The following WDPCP variants were observed in gnomAD, a reference collection of about 807,000 sequenced individuals.
The protein encoded by WDPCP is WD repeat-containing and planar cell polarity effector protein fritz homolog.
WDPCP carries 71 observed loss-of-function variants against 93.1 expected under a neutral mutation model. That is an observed-to-expected ratio of 0.76 (90% CI 0.63 to 0.93). The LOEUF (loss-of-function observed/expected upper bound fraction) is 0.93. WDPCP is among the 40% of genes least tolerant of loss of function. WDPCP has a pLI of 0.00. For missense variants in WDPCP, 844 were observed against 887.4 expected (o/e 0.95, Z 0.62); for synonymous variants, 315 against 315.0 (o/e 1.00, Z 0.00).
chr2:63,244,514 T>C (rs1305083012), intron 14 of WDPCP, among the ~76,000 whole-genome samples: 2 of 151,904 alleles, frequency 1.3e-5, no homozygotes, highest in Non-Finnish European at 2.9e-5. Flanking sequence ...ATAAGCACAA[T>C]CCGAAATGAC....
At chr2:63,409,301 A>C (rs976302151) in intron 9 of WDPCP, among the ~76,000 whole-genome samples, 6 of 152,146 alleles carry the variant, frequency 3.9e-5, no homozygotes, top group African/African-American at 1.2e-4. Context: ...GAGAGACAAC[A>C]ATCACTGCAG....
At chr2:63,752,415 T>C in intron 2 of WDPCP, 3 of 762,148 alleles carry the variant, frequency 3.9e-6, no homozygotes, top group Non-Finnish European at 7.1e-6. Context: ...TTGTGTGGCC[T>C]TGCATTCGTG....
At chr2:63,535,292 T>C (rs544224281) in intron 1 of WDPCP, among the ~76,000 whole-genome samples, 51 of 152,296 alleles carry the variant, frequency 3.3e-4, no homozygotes, top group African/African-American at 1.1e-3. Flanking sequence ...CTGCCCAAGG[T>C]AATTTATAGA....
intron 14 of WDPCP, among the ~76,000 whole-genome samples, chr2:63,182,886 T>C (rs2104111414): frequency 6.6e-6 from 1 of 151,832 alleles, no homozygotes; most frequent in South Asian, 2.1e-4. Flanking sequence ...TGGTTTTATG[T>C]TTCCAGGAAT....
chr2:63,682,572 T>C (rs1309130475), intron 2 of WDPCP, among the ~76,000 whole-genome samples: 3 of 151,690 alleles, frequency 2.0e-5, no homozygotes, highest in African/African-American at 7.3e-5. Context: ...AATCTAAGAG[T>C]TATTGGCCTT....
intron 2 of WDPCP, among the ~76,000 whole-genome samples, chr2:63,689,926 A>G (rs1047807116): frequency 6.6e-6 from 1 of 152,190 alleles, no homozygotes; most frequent in Non-Finnish European, 1.5e-5. Flanking sequence ...ATAAAACATC[A>G]TTGCAAAGTG....
intron 13 of WDPCP, among the ~76,000 whole-genome samples, chr2:63,302,062 G>A (rs1471997269): frequency 6.6e-6 from 1 of 152,152 alleles, no homozygotes; most frequent in Non-Finnish European, 1.5e-5. Flanking sequence ...ACCACCTCAT[G>A]ATCCCCCTCA....
At chr2:63,353,506 A>G (rs1277696230) in intron 12 of WDPCP, among the ~76,000 whole-genome samples, 2 of 152,160 alleles carry the variant, frequency 1.3e-5, no homozygotes, top group Admixed American at 6.5e-5. Context: ...GCAGGCCACA[A>G]TCTTTGCTAT....
chr2:63,174,813 G>T lies in WDPCP; in HGVS notation c.1935C>A (p.Asp645Glu), dbSNP rs775985348. ...ATGCTTCATTTAGCATATCCCCTCT[G>T]TCCAAGGGTCCCAGGAGTTCTGTTG... Reference protein sequence around the residue: ...TSGVELLGPLDRGDMLNEAFI... With the variant: ...TSGVELLGPLERGDMLNEAFI... Residue 645 changes from aspartate to glutamate, a missense_variant, in exon 15 of 18, where the codon GAC becomes GAA. Asp to Glu is a conservative substitution (Grantham distance 45). Transcript: ENST00000272321. 2 of 1,613,826 alleles carry T rather than the reference G, an allele frequency of 1.2e-6. No homozygotes were observed. Among genetic ancestry groups the T allele is most frequent in the Non-Finnish European group, 1.7e-6 (2 of 1,179,834 alleles).
At chr2:63,338,168 T>C (rs1688525721) in intron 12 of WDPCP, among the ~76,000 whole-genome samples, 1 of 152,178 alleles carries the variant, frequency 6.6e-6, no homozygotes, top group Non-Finnish European at 1.5e-5. Flanking sequence ...TTTAATTTAA[T>C]TTTTGTGTAT....
At chr2:63,808,008 C>G (rs1670793575) in intron 2 of WDPCP, among the ~76,000 whole-genome samples, 1 of 152,134 alleles carries the variant, frequency 6.6e-6, no homozygotes, top group African/African-American at 2.4e-5. Context: ...ATTCAATGTA[C>G]TTACTGAATT....
upstream of WDPCP, among the ~76,000 whole-genome samples, chr2:63,592,877 C>A (rs1181924545): frequency 1.3e-5 from 2 of 151,988 alleles, no homozygotes; most frequent in African/African-American, 2.4e-5. Context: ...ATCTCGTATT[C>A]TAAAGGGAAA....
At chr2:63,794,980 C>A (rs1229472280) in intron 2 of WDPCP, among the ~76,000 whole-genome samples, 4 of 152,126 alleles carry the variant, frequency 2.6e-5, no homozygotes, top group African/African-American at 9.7e-5. Flanking sequence ...GAGAAGCTCA[C>A]CTGAGGACAA....
At chr2:63,644,484 C>T (rs1462988851) in intron 3 of WDPCP, among the ~76,000 whole-genome samples, 1 of 152,060 alleles carries the variant, frequency 6.6e-6, no homozygotes, top group African/African-American at 2.4e-5. Flanking sequence ...CCTCGTGATC[C>T]ACCCACCTCG....
chr2:63,146,505 AGT>A (rs1334223302), intron 17 of WDPCP, among the ~76,000 whole-genome samples: 1 of 148,960 alleles, frequency 6.7e-6, no homozygotes, highest in Non-Finnish European at 1.5e-5. Context: ...CCGCCTCCTG[AGT>A]AGCTGGGACT....
intron 11 of WDPCP, among the ~76,000 whole-genome samples, chr2:63,380,845 G>C (rs4671496): frequency 0.55 from 83,713 of 151,994 alleles, 23,386 homozygotes; most frequent in Admixed American, 0.63. Context: ...CAAGACCCAC[G>C]ATACAGACTT....
At chr2:63,271,114 G>C (rs915107752) in intron 13 of WDPCP, among the ~76,000 whole-genome samples, 2 of 152,186 alleles carry the variant, frequency 1.3e-5, no homozygotes, top group African/African-American at 4.8e-5. Context: ...CCTGGGAAAT[G>C]GGCAGTGATG....
At chr2:63,807,708 T>A (rs1670790190) in intron 2 of WDPCP, among the ~76,000 whole-genome samples, 1 of 152,210 alleles carries the variant, frequency 6.6e-6, no homozygotes. Context: ...TCTTTCAAAA[T>A]CTTATCACAA....
chr2:63,594,646 C>A (rs1709268917), intron 3 of WDPCP: 1 of 1,221,154 alleles, frequency 8.2e-7, no homozygotes, highest in Non-Finnish European at 1.2e-6. Flanking sequence ...TAATAAAAAT[C>A]TGTATTTAGT....
Sources: allele counts gnomAD v4.1 joint callset (sites outside exome capture counted in the v4.1 genomes callset), GRCh38; gene constraint gnomAD v4.1.1; transcripts MANE v1.5; gene names NCBI Gene and HGNC (gene_info 2026-07-23, HGNC 2026-07-21).